The following ZNF334 variants were observed in gnomAD, a reference collection of about 807,000 sequenced individuals.
ZNF334 encodes zinc finger protein 334.
Under a neutral mutation model 12.4 loss-of-function variants are expected in ZNF334, and 14 were observed. The observed-to-expected ratio is 1.13, with a 90% CI of 0.74 to 1.76. The LOEUF is 1.76. ZNF334 is among the 40% of genes most tolerant of loss of function. ZNF334 has a pLI of 0.00. For missense variants in ZNF334, 797 were observed against 804.5 expected (o/e 0.99, Z 0.11); for synonymous variants, 273 against 269.6 (o/e 1.01, Z -0.12).
the ZNF334 span, among the ~76,000 whole-genome samples, chr20:46,481,597 G>C: frequency 6.6e-6 from 1 of 152,204 alleles, no homozygotes; most frequent in Non-Finnish European, 1.5e-5. Context: ...TGGCAGCGCA[G>C]GGAGCAATGG....
rs757461726 is a variant in ZNF334, at chr20:46,503,006, T to A, written c.333A>T (p.Glu111Asp). 3 of 1,613,960 alleles carry A rather than the reference T, an allele frequency of 1.9e-6. No homozygotes were observed. Among genetic ancestry groups the A allele is most frequent in the Non-Finnish European group, 2.5e-6 (3 of 1,179,920 alleles). ...GTGTTTTCCCAAATACATTCTCTCT[T>A]TCTGTAATCAGTGTTTTGTTGCTGA... is the stretch of plus-strand genomic sequence containing the variant. ...VFFSNKTLIT[E>D]RENVFGKTLN... Residue 111 changes from glutamate to aspartate, a missense_variant, in exon 5 of 5, where the codon GAA (glutamate) becomes GAT (aspartate). By Grantham distance (45) the Glu-to-Asp change is conservative (BLOSUM62 2). Coordinates refer to ENST00000692313, the MANE Select transcript of ZNF334 (RefSeq NM_001353824.2).
the ZNF334 span, chr20:46,464,282 G>T: frequency 7.2e-6 from 4 of 551,936 alleles, no homozygotes; most frequent in South Asian, 5.8e-5. Context: ...TCTTTCTCCC[G>T]CCTGGTACTC....
At chr20:46,509,607 C>G (rs1195788383) in intron 2 of ZNF334, 1 of 702,924 alleles carries the variant, frequency 1.4e-6, no homozygotes, top group African/African-American at 1.7e-5. Context: ...CTGCCCACCT[C>G]CTTCTCATTT....
chr20:46,471,885 GAT>G, the ZNF334 span, among the ~76,000 whole-genome samples: 15 of 152,124 alleles, frequency 9.9e-5, no homozygotes. Context: ...TGTTCTTCAA[GAT>G]TGGCTGGGCT....
the ZNF334 span, among the ~76,000 whole-genome samples, chr20:46,488,442 TAA>T: frequency 1.5e-4 from 21 of 136,504 alleles, 2 homozygotes; most frequent in African/African-American, 6.2e-4. Context: ...TATATATATA[TAA>T]ATACCATAAT....
chr20:46,484,129 T>G, the ZNF334 span, among the ~76,000 whole-genome samples: 1 of 152,136 alleles, frequency 6.6e-6, no homozygotes, highest in African/African-American at 2.4e-5. Context: ...GCAGGACGAA[T>G]TCCCTTATCA....
chr20:46,465,933 G>A, the ZNF334 span, among the ~76,000 whole-genome samples: 13,312 of 151,812 alleles, frequency 0.088, 666 homozygotes, highest in South Asian at 0.15. Flanking sequence ...CAGCCTGAGC[G>A]ACAGAGCGAA....
chr20:46,504,415 T>C, intron 3 of ZNF334, 109 bp from the exon 4 acceptor site: 4 of 1,164,836 alleles, frequency 3.4e-6, no homozygotes, highest in Non-Finnish European at 4.9e-6. Context: ...TGCCCAGCAA[T>C]AGCTCAGTAA....
chr20:46,483,389 C>T, the ZNF334 span, among the ~76,000 whole-genome samples: 3 of 151,796 alleles, frequency 2.0e-5, no homozygotes, highest in African/African-American at 4.8e-5. Flanking sequence ...TTTATTTTTT[C>T]ACAGAGATTT....
At chr20:46,496,483 G>A (rs1277084075), downstream of ZNF334, among the ~76,000 whole-genome samples, 2 of 152,214 alleles carry the variant, frequency 1.3e-5, no homozygotes, top group Non-Finnish European at 2.9e-5. Context: ...AAACCAACAA[G>A]GGATTTACCA....
Position 46,501,173 on chromosome 20 carries a change from G to A in ZNF334, c.*123C>T. 1 of 1,277,674 alleles carries A rather than the reference G, an allele frequency of 7.8e-7. No homozygotes were observed. Among genetic ancestry groups the A allele is most frequent in the Non-Finnish European group, 1.1e-6 (1 of 937,112 alleles). 79.1% of individuals were successfully genotyped at this position (1,277,674 alleles called of 1,614,324 possible). A position where few individuals can be genotyped will look rare whatever the true frequency, so the allele number is the denominator to read the frequency against. On this transcript the variant is annotated 3_prime_UTR_variant, in exon 5 of 5. Transcript: ENST00000692313. ...ATGTTACATTGAGGGTTGACTTATG[G>A]CAGAAAAATTTTCCATATTCATTAC... is the stretch of plus-strand genomic sequence containing the variant.
intron 2 of ZNF334, among the ~76,000 whole-genome samples, chr20:46,510,740 A>ATC (rs1360287490): frequency 9.4e-5 from 13 of 138,686 alleles, no homozygotes; most frequent in Non-Finnish European, 1.7e-4. Context: ...CCTGGGTGAT[A>ATC]GAGTGAGAGC....
At position 46,513,299 on chromosome 20, in the gene ZNF334, A is replaced by G. The variant is rs2061718382; in HGVS notation, c.-798T>C. On this transcript the variant is annotated 5_prime_UTR_variant, in exon 1 of 5. Coordinates refer to ENST00000692313, the MANE Select transcript of ZNF334 (RefSeq NM_001353824.2). ...CCCGTGGCCTGCAGGTCAGGAGCCC[A>G]ATCCTGCCCTGGCTGCCTCGCCTCC... The G allele has an allele frequency of 6.6e-6, 1 of 152,294 alleles. No individual in the cohort carries two copies. Among genetic ancestry groups the G allele is most frequent in the Non-Finnish European group, 1.5e-5 (1 of 68,142 alleles). The allele number at this position is 152,294 out of a possible 1,614,324, so 9.4% of individuals were successfully genotyped here. A position where few individuals can be genotyped will look rare whatever the true frequency, so the allele number is the denominator to read the frequency against.
At chr20:46,511,465 C>T (rs1010666312) in intron 2 of ZNF334, among the ~76,000 whole-genome samples, 2 of 152,140 alleles carry the variant, frequency 1.3e-5, no homozygotes, top group Admixed American at 6.5e-5. Context: ...CAGACTGTAT[C>T]AAGTGGGTTG....
chr20:46,480,715 G>A, the ZNF334 span, among the ~76,000 whole-genome samples: 7 of 152,168 alleles, frequency 4.6e-5, no homozygotes, highest in Admixed American at 6.5e-5. Context: ...AAATGAGAAG[G>A]TTCTGGGTGT....
chr20:46,484,322 T>C, the ZNF334 span: 1 of 162,746 alleles, frequency 6.1e-6, no homozygotes. Flanking sequence ...TTGTCTGCAC[T>C]TTCTATTATA....
chr20:46,498,682 T>C (rs367953521), downstream of ZNF334, among the ~76,000 whole-genome samples: 1 of 152,220 alleles, frequency 6.6e-6, no homozygotes, highest in Admixed American at 6.5e-5. Context: ...TAACCTGTTA[T>C]GGGGTTGAAT....
At chr20:46,498,603 T>C (rs1210048874), downstream of ZNF334, among the ~76,000 whole-genome samples, 4 of 152,206 alleles carry the variant, frequency 2.6e-5, no homozygotes, top group African/African-American at 7.2e-5. Context: ...AACAATGAGA[T>C]AGTAAATGTT....
chr20:46,508,054 G>GA (rs2061500070), intron 2 of ZNF334, among the ~76,000 whole-genome samples: 1 of 152,200 alleles, frequency 6.6e-6, no homozygotes, highest in South Asian at 2.1e-4. Context: ...CTTCATAGCA[G>GA]AAAGTCCAAA....
Sources: gnomAD v4.1 joint callset for allele counts (sites outside exome capture counted in the v4.1 genomes callset) on GRCh38, gnomAD v4.1.1 for gene constraint, MANE v1.5 for transcripts, NCBI Gene and HGNC (gene_info 2026-07-23, HGNC 2026-07-21) for gene names.